Variants in SEMA3A observed in about 807,000 individuals in gnomAD.
SEMA3A encodes the protein semaphorin-3A.
Under a neutral mutation model 97.9 loss-of-function variants are expected in SEMA3A, and 29 were observed. That is an observed-to-expected ratio of 0.30 (90% CI 0.22 to 0.40). The LOEUF is 0.40. Among genes scored for constraint, SEMA3A ranks in the 10% least tolerant of loss-of-function variants. The pLI is 1.00. For synonymous variants in SEMA3A, 321 were observed against 323.7 expected, an observed-to-expected ratio of 0.99 and a Z score of 0.09; for missense variants, 763 against 951.3, an observed-to-expected ratio of 0.80 and a Z score of 2.60.
intron 6 of SEMA3A, among the ~76,000 whole-genome samples, chr7:84,016,854 T>C (rs1791125616): frequency 6.6e-6 from 1 of 152,228 alleles, no homozygotes; most frequent in Non-Finnish European, 1.5e-5. Context: ...AGTTTGAGGA[T>C]ATTATAATCC....
At position 84,011,053 on chromosome 7, in the gene SEMA3A, G is replaced by T. The variant is rs1158515996; in HGVS notation, c.964C>A (p.Pro322Thr). The change falls in exon 9 of 17, where the codon CCA (proline) becomes ACA (threonine). Residue 322 changes from proline (P) to threonine (T), a missense_variant. Physicochemically the swap from Pro to Thr is conservative, Grantham distance 38. This residue lies in a region of SEMA3A where 678 missense variants were observed against 881.3 expected (regional missense o/e 0.77). Coordinates refer to ENST00000265362, the MANE Select transcript of SEMA3A (RefSeq NM_006080.3). ...FLMNFKDPKN[P>T]VVYGVFTTSS... ...GTCGTAAACACTCCATATACAACTGGATTTTTAGGATCTTTAAAGTTCATT... is the reference window on the plus strand; with the variant it reads ...GTCGTAAACACTCCATATACAACTGTATTTTTAGGATCTTTAAAGTTCATT... 1 of 1,611,744 alleles carries T rather than the reference G, an allele frequency of 6.2e-7. No homozygotes were observed. The highest frequency in any genetic ancestry group is 8.5e-7 in the Non-Finnish European group (1 of 1,178,290).
At chr7:84,087,935 T>C (rs1399549179) in intron 4 of SEMA3A, among the ~76,000 whole-genome samples, 1 of 152,176 alleles carries the variant, frequency 6.6e-6, no homozygotes, top group Non-Finnish European at 1.5e-5. Flanking sequence ...TATTCTTGTT[T>C]TGACTCTTTT....
Position 84,208,397 on chromosome 7 carries a change from AGCCGAGATCCTGCCACTGCAGTCC to A in SEMA3A, c.-82-13753_-82-13730del. Reference sequence around the variant, plus strand: ...AACCCGGGAGGCGGAGCTTGCAGTGAGCCGAGATCCTGCCACTGCAGTCCAGCCTGGGTGACAGAGACTCCGTCT... The same window carrying A: ...AACCCGGGAGGCGGAGCTTGCAGTGAAGCCTGGGTGACAGAGACTCCGTCT... On this transcript the variant is annotated intron_variant, in intron 3 of 3. Coordinates refer to the SEMA3A transcript ENST00000424555. 5.5e-5 allele frequency among the ~76,000 whole-genome samples: 3 copies of A among 54,590 alleles called. 1 individual carries two copies. In the South Asian group the frequency reaches 2.0e-3, roughly 37 times the overall value. 35.8% of individuals were successfully genotyped at this position (54,590 alleles called of 152,430 possible).
At chr7:84,250,609 A>C (rs1799584837) in intron 3 of SEMA3A, among the ~76,000 whole-genome samples, 1 of 152,226 alleles carries the variant, frequency 6.6e-6, no homozygotes. Context: ...GTGTGTTTAA[A>C]AAATTGTTCT....
intron 1 of SEMA3A, among the ~76,000 whole-genome samples, chr7:84,490,584 T>C (rs1017090303): frequency 6.6e-6 from 1 of 152,056 alleles, no homozygotes; most frequent in Non-Finnish European, 1.5e-5. Context: ...TTCACTTAGT[T>C]GTTATTTCTT....
chr7:84,231,854 A>T (rs926376460), intron 3 of SEMA3A, among the ~76,000 whole-genome samples: 1 of 151,910 alleles, frequency 6.6e-6, no homozygotes, highest in Non-Finnish European at 1.5e-5. Context: ...AAAGCCAGAA[A>T]AATAGCTCTT....
At position 84,042,819 on chromosome 7, in the gene SEMA3A, G is replaced by A. The variant is rs184316291; in HGVS notation, c.667+3505C>T. ...TCTCCATCAAATAAGAAAAATAAAT[G>A]TGAGCTAGAAAAATAAACTGCTCTA... On this transcript the variant is annotated intron_variant, in intron 6 of 16. Coordinates refer to ENST00000265362, the MANE Select transcript of SEMA3A (RefSeq NM_006080.3). Among the ~76,000 whole-genome samples the A allele has an allele frequency of 6.6e-5, 10 of 152,098 alleles. No individual in the cohort carries two copies. The East Asian group carries it at 1.7e-3, about 26-fold the overall frequency.
chr7:84,170,230 G>A (rs59315386), intron 1 of SEMA3A, among the ~76,000 whole-genome samples: 2,556 of 151,916 alleles, frequency 0.017, 72 homozygotes, highest in African/African-American at 0.059. Context: ...TTAAACACGC[G>A]TTGCTTTATA....
Position 84,098,535 on chromosome 7 carries a change from T to A in SEMA3A, c.453+11935A>T, listed in dbSNP as rs145323437. 5.3e-3 allele frequency among the ~76,000 whole-genome samples: 799 copies of A among 152,174 alleles called. 4 individuals are homozygous for A. Among genetic ancestry groups the A allele is most frequent in the East Asian group, 0.017 (88 of 5,176 alleles). On this transcript the variant is annotated intron_variant, in intron 4 of 16. Transcript: ENST00000265362. ...AGTTTTATTAAAACACAACTCCCAG[T>A]TTATGTTATTACTATAATCTTTTAA...
At chr7:84,479,212 C>A (rs1157952564) in intron 1 of SEMA3A, among the ~76,000 whole-genome samples, 1 of 152,002 alleles carries the variant, frequency 6.6e-6, no homozygotes, top group East Asian at 1.9e-4. Context: ...ACCTGGGGTG[C>A]CTTAAGGTTA....
chr7:84,213,175 C>A (rs1242996834), intron 3 of SEMA3A, among the ~76,000 whole-genome samples: 2 of 152,082 alleles, frequency 1.3e-5, no homozygotes, highest in Non-Finnish European at 2.9e-5. Context: ...TGGTGTTTCT[C>A]CATGTTGGTC....
intron 15 of SEMA3A, among the ~76,000 whole-genome samples, chr7:83,967,810 G>A (rs1443959374): frequency 1.3e-5 from 2 of 151,882 alleles, no homozygotes; most frequent in African/African-American, 2.4e-5. Context: ...TTTATAATTG[G>A]CACATAATAT....
At chr7:83,969,364 AT>A (rs1397229659) in intron 15 of SEMA3A, among the ~76,000 whole-genome samples, 2 of 151,846 alleles carry the variant, frequency 1.3e-5, no homozygotes, top group African/African-American at 4.8e-5. Flanking sequence ...GCCAAAAAAA[AT>A]CTCTTTTTAG....
chr7:84,477,728 T>C (rs1806332847), intron 1 of SEMA3A, among the ~76,000 whole-genome samples: 1 of 152,182 alleles, frequency 6.6e-6, no homozygotes, highest in African/African-American at 2.4e-5. Flanking sequence ...AGTGAATTAA[T>C]ATCCTCTTAG....
intron 3 of SEMA3A, among the ~76,000 whole-genome samples, chr7:84,289,378 C>G: frequency 6.6e-6 from 1 of 151,902 alleles, no homozygotes; most frequent in Non-Finnish European, 1.5e-5. Flanking sequence ...TGACTGTTCC[C>G]AACATAAAGA....
intron 3 of SEMA3A, among the ~76,000 whole-genome samples, chr7:84,247,411 T>C (rs539842985): frequency 6.6e-6 from 1 of 152,088 alleles, no homozygotes; most frequent in Non-Finnish European, 1.5e-5. Flanking sequence ...AAAATGACAA[T>C]ATAAAAAGTA....
rs550773829 is a variant in SEMA3A, at chr7:83,978,012, C to A, written c.1653-816G>T. ...TAGAGACGGGATTTCACCGTGTTAG[C>A]CAGGATGGTCTCGATCTCCTGACCT... On this transcript the variant is annotated intron_variant, in intron 14 of 16. Coordinates refer to ENST00000265362, the MANE Select transcript of SEMA3A (RefSeq NM_006080.3). Among the ~76,000 whole-genome samples, 8 of 152,092 alleles carry A rather than the reference C, an allele frequency of 5.3e-5. No homozygotes were observed. In the South Asian group the frequency reaches 1.7e-3, roughly 32 times the overall value.
chr7:84,051,920 A>C (rs1459859265), intron 5 of SEMA3A, among the ~76,000 whole-genome samples: 5 of 150,040 alleles, frequency 3.3e-5, no homozygotes, highest in Non-Finnish European at 6.0e-5. Flanking sequence ...TTTAGCATGA[A>C]GGGTTGTTGA....
rs189021188 is a variant in SEMA3A, at chr7:84,297,711, T to C, written c.-83+9496A>G. On this transcript the variant is annotated intron_variant, in intron 3 of 3. Coordinates refer to the SEMA3A transcript ENST00000424555. ...TACATTTCCACTAAGAAAGAGGGAG[T>C]AGGACAGTTTTCATAGCAACTGTCT... 2.8e-3 allele frequency among the ~76,000 whole-genome samples: 430 copies of C among 152,026 alleles called. 3 individuals carry two copies. Among genetic ancestry groups the C allele is most frequent in the Non-Finnish European group, 5.2e-3 (351 of 68,010 alleles).
Sources: gnomAD v4.1 joint callset for allele counts (sites outside exome capture counted in the v4.1 genomes callset) on GRCh38, gnomAD v4.1.1 for gene constraint, gnomAD v4.1.1 regional missense constraint, MANE v1.5 for transcripts, NCBI Gene and HGNC (gene_info 2026-07-23, HGNC 2026-07-21) for gene names.